The following TSGA10IP variants were observed in gnomAD, a reference collection of about 807,000 sequenced individuals.
TSGA10IP encodes the protein testis specific 10 interacting protein.
In TSGA10IP, 64 loss-of-function variants were observed where a neutral mutation model predicts 63.2. That is an observed-to-expected ratio of 1.01 (90% CI 0.83 to 1.25). The LOEUF (loss-of-function observed/expected upper bound fraction) is 1.25, where lower values mean the gene tolerates loss of function less well. Among genes scored for constraint, TSGA10IP ranks in the 50% most tolerant of loss-of-function variants. TSGA10IP has a pLI of 0.00. For missense variants in TSGA10IP, 681 were observed against 710.1 expected, an observed-to-expected ratio of 0.96 and a Z score of 0.47; for synonymous variants, 316 against 298.3, an observed-to-expected ratio of 1.06 and a Z score of -0.61.
chr11:65,947,935 TG>T, intron 3 of TSGA10IP, 65 bp from the exon 4 acceptor site: 4 of 1,524,076 alleles, frequency 2.6e-6, no homozygotes, highest in Middle Eastern at 1.9e-4. Flanking sequence ...CTCTGGGTGC[TG>T]GGGGGCGTTG....
chr11:65,952,115 A>G (rs565811510), intron 4 of TSGA10IP, among the ~76,000 whole-genome samples: 1 of 152,044 alleles, frequency 6.6e-6, no homozygotes, highest in African/African-American at 2.4e-5. Flanking sequence ...TGGCCTCCCA[A>G]AGTGCTGGGA....
intron 5 of TSGA10IP, among the ~76,000 whole-genome samples, chr11:65,957,680 C>T (rs536641930): frequency 2.5e-4 from 38 of 152,300 alleles, no homozygotes; most frequent in East Asian, 1.4e-3. Context: ...GTTTTTCCAC[C>T]GGGCCCAGCA....
exon 7 of TSGA10IP, chr11:65,959,191 C>G: frequency 3.7e-6 from 6 of 1,603,686 alleles, no homozygotes; most frequent in Non-Finnish European, 5.1e-6. Context: ...TCTCCTCAGG[C>G]CAATGCCCGG....
rs532171256 is a variant in TSGA10IP, at chr11:65,945,590, C to T, written c.-86C>T. 16 of 1,499,244 alleles carry T rather than the reference C, an allele frequency of 1.1e-5. No individual in the cohort carries two copies. In the African/African-American group the frequency reaches 2.2e-4, roughly 21 times the overall value. The allele number at this position is 1,499,244 out of a possible 1,614,324, so 92.9% of individuals were successfully genotyped here. A position where few individuals can be genotyped will look rare whatever the true frequency, so the allele number is the denominator to read the frequency against. ...GACCCCTTCCTAGCATGCTTTTTGC[C>T]AGACCCATTGAGACTGGCTGAGGAC... On this transcript the variant is annotated 5_prime_UTR_variant, in exon 1 of 8. Coordinates refer to ENST00000532620, the Ensembl canonical transcript of TSGA10IP.
Position 65,959,943 on chromosome 11 carries a change from T to TA in TSGA10IP, c.*7dup, listed in dbSNP as rs752382856. 3.7e-6 allele frequency: 6 copies of TA among 1,612,940 alleles called. No individual in the cohort carries two copies. The East Asian group carries it at 1.3e-4, about 36-fold the overall frequency. The stretch of plus-strand genomic sequence containing the variant: ...TGGACCCGGAGTGCAGTCCCTGAGA[T>TA]AAAATTAAAGGCTTTATGGCAAACA... On this transcript the variant is annotated 3_prime_UTR_variant, in exon 8 of 8. Transcript: ENST00000532620.
At chr11:65,947,973 G>A in intron 3 of TSGA10IP, 28 bp from the exon 4 acceptor site, 1 of 1,549,230 alleles carries the variant, frequency 6.5e-7, no homozygotes, top group Non-Finnish European at 8.7e-7. Flanking sequence ...GGAGAGGGCA[G>A]CCCCTGACTT....
chr11:65,958,858 G>A, intron 5 of TSGA10IP, 25 bp from the exon 6 acceptor site: 2 of 1,600,440 alleles, frequency 1.2e-6, no homozygotes, highest in South Asian at 1.1e-5. Context: ...ATGGTTAGCT[G>A]CACAAAGGCC....
At chr11:65,959,518 G>A (rs548345040) in intron 7 of TSGA10IP, among the ~76,000 whole-genome samples, 21 of 152,300 alleles carry the variant, frequency 1.4e-4, no homozygotes, top group Non-Finnish European at 2.6e-4. Context: ...ACGCAGGAGC[G>A]AACAAGCAGC....
At chr11:65,955,145 A>G (rs546797250) in intron 5 of TSGA10IP, among the ~76,000 whole-genome samples, 2 of 152,158 alleles carry the variant, frequency 1.3e-5, no homozygotes, top group Non-Finnish European at 2.9e-5. Flanking sequence ...CCTCCAAGGC[A>G]GGAATTTGTA....
chr11:65,953,474 A>C, intron 4 of TSGA10IP, 93 bp from the exon 5 acceptor site: 1 of 1,450,012 alleles, frequency 6.9e-7, no homozygotes, highest in Non-Finnish European at 9.1e-7. Flanking sequence ...GCCCCTCCCC[A>C]CAGGCTTCCA....
intron 5 of TSGA10IP, 142 bp downstream of exon 5, chr11:65,953,879 C>A: frequency 3.2e-6 from 2 of 619,460 alleles, no homozygotes; most frequent in Non-Finnish European, 5.0e-6. Flanking sequence ...CAGATAAGGA[C>A]GCTGAGGCAT....
At chr11:65,949,459 C>G (rs1385733855) in intron 4 of TSGA10IP, among the ~76,000 whole-genome samples, 2 of 151,956 alleles carry the variant, frequency 1.3e-5, no homozygotes, top group East Asian at 3.9e-4. Context: ...CTCTGTTGCC[C>G]AGGCTGGAGT....
At chr11:65,956,436 C>T (rs1001554123) in intron 5 of TSGA10IP, among the ~76,000 whole-genome samples, 4 of 151,862 alleles carry the variant, frequency 2.6e-5, no homozygotes, top group South Asian at 2.1e-4. Context: ...CGCGCCCGGC[C>T]GAGGCTCAGT....
Position 65,947,627 on chromosome 11 carries a change from A to AGGGCTGGT in TSGA10IP, c.803_810dup (p.Cys271GlyfsTer77). 2.5e-6 allele frequency: 4 copies of AGGGCTGGT among 1,613,544 alleles called. No homozygotes were observed. Among genetic ancestry groups the AGGGCTGGT allele is most frequent in the Non-Finnish European group, 3.4e-6 (4 of 1,179,776 alleles). ...AGAGCACAGGACTCCCTGCAGAAGG[A>AGGGCTGGT]GGGCTGGTTGTCAGAGAAAGGGGCA... is the stretch of plus-strand genomic sequence containing the variant. On this transcript the variant is annotated frameshift_variant, in exon 3 of 8. Coordinates refer to ENST00000532620, the Ensembl canonical transcript of TSGA10IP. LOFTEE classifies it high-confidence loss of function.
At chr11:65,958,126 G>A (rs545872836) in intron 5 of TSGA10IP, among the ~76,000 whole-genome samples, 14 of 152,174 alleles carry the variant, frequency 9.2e-5, no homozygotes, top group East Asian at 5.8e-4. Context: ...GCTAATTTTT[G>A]TAGAGACAGG....
At chr11:65,956,676 C>T (rs181129474) in intron 5 of TSGA10IP, among the ~76,000 whole-genome samples, 222 of 152,238 alleles carry the variant, frequency 1.5e-3, no homozygotes, top group African/African-American at 4.9e-3. Context: ...CACAGGTGCG[C>T]GCCACCACAC....
At position 65,945,611 on chromosome 11, in the gene TSGA10IP, A is replaced by G; in HGVS notation, c.-65A>G. On this transcript the variant is annotated 5_prime_UTR_variant, in exon 1 of 8. An upstream open reading frame in the 5' UTR loses its in-frame stop. Transcript: ENST00000532620. Reference sequence around the variant, plus strand: ...TTGCCAGACCCATTGAGACTGGCTGAGGACTGGTTGCCATAGAGATGGCCT... The same window carrying G: ...TTGCCAGACCCATTGAGACTGGCTGGGGACTGGTTGCCATAGAGATGGCCT... 1.9e-6 allele frequency: 3 copies of G among 1,573,702 alleles called. No homozygotes were observed. Among genetic ancestry groups the G allele is most frequent in the Non-Finnish European group, 2.6e-6 (3 of 1,153,930 alleles).
intron 5 of TSGA10IP, 93 bp from the exon 6 acceptor site, chr11:65,958,790 A>G (rs1450606576): frequency 2.0e-6 from 2 of 976,542 alleles, no homozygotes; most frequent in East Asian, 2.6e-5. Context: ...GAGGACATGA[A>G]TATCAAGTCC....
chr11:65,953,326 T>C (rs1412614335), intron 4 of TSGA10IP, among the ~76,000 whole-genome samples: 1 of 152,138 alleles, frequency 6.6e-6, no homozygotes. Flanking sequence ...CCACCGTGCC[T>C]GGCCTGGAAG....
Sources: gnomAD v4.1 joint callset for allele counts (sites outside exome capture counted in the v4.1 genomes callset) on GRCh38, gnomAD v4.1.1 for gene constraint, MANE v1.5 for transcripts, NCBI Gene and HGNC (gene_info 2026-07-23, HGNC 2026-07-21) for gene names.